The following EPG5 variants were observed in gnomAD, a reference collection of about 807,000 sequenced individuals.
EPG5 encodes ectopic P-granules 5 autophagy tethering factor, also known as ectopic P granules protein 5 homolog.
Under a neutral mutation model 302.7 loss-of-function variants are expected in EPG5, and 159 were observed. That is an observed-to-expected ratio of 0.53 (90% CI 0.46 to 0.60). The LOEUF is 0.60. Ranked by LOEUF, EPG5 falls within the 20% of genes least tolerant of loss-of-function variation. The pLI is 0.00. For missense variants in EPG5, 2,896 were observed against 3,092.4 expected, an observed-to-expected ratio of 0.94 and a Z score of 1.51; for synonymous variants, 1,158 against 1,136.8, an observed-to-expected ratio of 1.02 and a Z score of -0.37.
At chr18:45,867,135 G>T in intron 37 of EPG5, 128 bp from the exon 38 acceptor site, 1 of 675,538 alleles carries the variant, frequency 1.5e-6, no homozygotes, top group Non-Finnish European at 2.5e-6. Context: ...ATGATATCAA[G>T]TAAGTATCTA....
At chr18:45,918,617 A>G (rs557992267) in intron 16 of EPG5, among the ~76,000 whole-genome samples, 7 of 152,360 alleles carry the variant, frequency 4.6e-5, no homozygotes, top group African/African-American at 1.7e-4. Context: ...GTTTATTTTT[A>G]ACTCTAAAAC....
chr18:45,944,457 T>G (rs1346768454), intron 7 of EPG5, among the ~76,000 whole-genome samples: 1 of 152,070 alleles, frequency 6.6e-6, no homozygotes, highest in African/African-American at 2.4e-5. Flanking sequence ...TAACATCAAT[T>G]AAAGAACCAC....
chr18:45,943,791 G>T (rs565169661), intron 8 of EPG5, among the ~76,000 whole-genome samples: 88 of 152,130 alleles, frequency 5.8e-4, no homozygotes, highest in Admixed American at 6.5e-4. Context: ...CGTGGTGGCG[G>T]GCGCCTGTAG....
At chr18:45,961,506 A>C (rs1277298958) in intron 1 of EPG5, among the ~76,000 whole-genome samples, 2 of 152,030 alleles carry the variant, frequency 1.3e-5, no homozygotes, top group Non-Finnish European at 2.9e-5. Flanking sequence ...CTTCTCCCCC[A>C]ATATCCACAT....
Position 45,887,817 on chromosome 18 carries a change from G to A in EPG5, c.5043C>T (p.Ser1681=), listed in dbSNP as rs980246249. ...SLFFTIVDYV[S]DETQRHPPTR... ...TTGGGGGATGACGCTGCGTCTCATC[G>A]CTGACGTAATCCACAATAGTAAAGA... Residue 1681 remains serine (S), a synonymous_variant, in exon 29 of 44, where the codon AGC becomes AGT. Transcript: ENST00000282041. 6.2e-6 allele frequency: 10 copies of A among 1,604,682 alleles called. No individual in the cohort carries two copies. The highest frequency in any genetic ancestry group is 1.7e-5 in the Admixed American group (1 of 59,780).
Position 45,848,321 on chromosome 18 carries a change from G to A in EPG5, c.*4146C>T, listed in dbSNP as rs2048383223. 6.6e-6 allele frequency: 1 copy of A among 152,196 alleles called. No individual in the cohort carries two copies. Among genetic ancestry groups the A allele is most frequent in the Non-Finnish European group, 1.5e-5 (1 of 68,050 alleles). 9.4% of individuals were successfully genotyped at this position (152,196 alleles called of 1,614,324 possible). On this transcript the variant is annotated 3_prime_UTR_variant, in exon 44 of 44. Coordinates refer to ENST00000282041, the MANE Select transcript of EPG5 (RefSeq NM_020964.3). ...ACAGTTGGCCCAAAATGAAGAGCAGGCAGTAGTAGAGGATTAAGGGCAAAG... is the reference window on the plus strand; with the variant it reads ...ACAGTTGGCCCAAAATGAAGAGCAGACAGTAGTAGAGGATTAAGGGCAAAG...
At chr18:45,804,984 A>G in the EPG5 span, among the ~76,000 whole-genome samples, 9 of 152,166 alleles carry the variant, frequency 5.9e-5, no homozygotes, top group South Asian at 8.3e-4. Flanking sequence ...AGGTTTGCAT[A>G]TTTTATGCAA....
rs946140956 is a variant in EPG5 at position 45,948,703 on chromosome 18, A to G, written c.1498-127T>C. On this transcript the variant is annotated intron_variant, in intron 5 of 43. Transcript: ENST00000282041. ...CAAAGCTGAAACTGGTACCTAATAC[A>G]CAAGAGTAAAGCACAGCCCATGGGT... 3 of 697,986 alleles carry G rather than the reference A, an allele frequency of 4.3e-6. No homozygotes were observed. In the African/African-American group the frequency reaches 5.3e-5, roughly 12 times the overall value. 43.2% of individuals were successfully genotyped at this position (697,986 alleles called of 1,614,324 possible). A position where few individuals can be genotyped will look rare whatever the true frequency, so the allele number is the denominator to read the frequency against.
At chr18:45,880,332 T>G in intron 31 of EPG5, 109 bp from the exon 32 acceptor site, 1 of 1,120,586 alleles carries the variant, frequency 8.9e-7, no homozygotes, top group Non-Finnish European at 1.2e-6. Context: ...AAAGCCAAAA[T>G]CCAAAACAAA....
chr18:45,862,268 T>G (rs2048650972), intron 39 of EPG5, among the ~76,000 whole-genome samples: 1 of 152,260 alleles, frequency 6.6e-6, no homozygotes, highest in Non-Finnish European at 1.5e-5. Flanking sequence ...AGTTTCTTCC[T>G]ATTTATTTTC....
At chr18:45,954,347 G>A in intron 2 of EPG5, 47 bp downstream of exon 2, 2 of 1,520,362 alleles carry the variant, frequency 1.3e-6, no homozygotes, top group Non-Finnish European at 1.8e-6. Context: ...CAACATCCCA[G>A]GAATAGCAGC....
chr18:45,840,349 G>A, the EPG5 span: 2 of 1,292,050 alleles, frequency 1.5e-6, no homozygotes, highest in South Asian at 1.5e-5. Flanking sequence ...TGGGGCTGGG[G>A]TCCTACTTTG....
the EPG5 span, chr18:45,841,979 C>A: frequency 1.2e-6 from 1 of 865,288 alleles, no homozygotes; most frequent in Non-Finnish European, 1.9e-6. Flanking sequence ...ATCTCTGAGC[C>A]CTGCCGGTTC....
chr18:45,858,206 G>A, intron 41 of EPG5, 138 bp from the exon 42 acceptor site: 1 of 659,620 alleles, frequency 1.5e-6, no homozygotes, highest in Non-Finnish European at 2.6e-6. Flanking sequence ...GATGTTAATA[G>A]AGCCATGGGA....
At chr18:45,915,859 C>T (rs1205252773) in intron 19 of EPG5, 150 bp downstream of exon 19, 19 of 806,562 alleles carry the variant, frequency 2.4e-5, no homozygotes, top group South Asian at 7.3e-5. Flanking sequence ...TAGTGGACTA[C>T]GATTATCGGG....
At chr18:45,893,180 C>A (rs1203998828) in intron 27 of EPG5, among the ~76,000 whole-genome samples, 1 of 152,170 alleles carries the variant, frequency 6.6e-6, no homozygotes, top group Non-Finnish European at 1.5e-5. Context: ...GGCTTGAATC[C>A]TGATGGAGCT....
the EPG5 span, among the ~76,000 whole-genome samples, chr18:45,834,596 G>A: frequency 6.6e-6 from 1 of 152,176 alleles, no homozygotes; most frequent in East Asian, 1.9e-4. Flanking sequence ...CATCTTTACG[G>A]CATCTGGCAG....
the EPG5 span, among the ~76,000 whole-genome samples, chr18:45,838,135 C>G: frequency 6.6e-6 from 1 of 152,198 alleles, no homozygotes; most frequent in African/African-American, 2.4e-5. Flanking sequence ...TAGGCATTGC[C>G]GTGACTCTCG....
At chr18:45,967,127 G>C in intron 1 of EPG5, 50 bp downstream of exon 1, 1 of 1,537,562 alleles carries the variant, frequency 6.5e-7, no homozygotes, top group Admixed American at 2.0e-5. Context: ...AGAGGAGCAA[G>C]GAGACACAGC....
Sources: allele counts gnomAD v4.1 joint callset (sites outside exome capture counted in the v4.1 genomes callset), GRCh38; gene constraint gnomAD v4.1.1; transcripts MANE v1.5; gene names NCBI Gene and HGNC (gene_info 2026-07-23, HGNC 2026-07-21).